The following HMCN1 variants were observed in gnomAD, a reference collection of about 807,000 sequenced individuals.
HMCN1 encodes the protein hemicentin-1.
Under a neutral mutation model 625.9 loss-of-function variants are expected in HMCN1, and 321 were observed. The observed-to-expected ratio is 0.51, with a 90% CI of 0.47 to 0.56. The LOEUF (loss-of-function observed/expected upper bound fraction) is 0.56. Among genes scored for constraint, HMCN1 ranks in the 20% least tolerant of loss-of-function variants. The probability of loss-of-function intolerance (pLI) is 0.00; values close to 1 mark genes in which losing one functional copy is unlikely to be tolerated. For missense variants in HMCN1, 6,588 were observed against 6,887.3 expected, an observed-to-expected ratio of 0.96 and a Z score of 1.54; for synonymous variants, 2,425 against 2,417.6, an observed-to-expected ratio of 1.00 and a Z score of -0.09.
intron 13 of HMCN1, among the ~76,000 whole-genome samples, chr1:185,964,170 T>C (rs904910070): frequency 2.6e-5 from 4 of 152,154 alleles, no homozygotes; most frequent in Non-Finnish European, 5.9e-5. Flanking sequence ...ACTGTTCATC[T>C]GTTCTCTGCA....
intron 70 of HMCN1, among the ~76,000 whole-genome samples, chr1:186,108,059 A>AG (rs1491472450): frequency 2.4e-5 from 3 of 127,014 alleles, no homozygotes; most frequent in Non-Finnish European, 5.0e-5. Context: ...AAAAAAAAAA[A>AG]GTCACATGAA....
chr1:185,776,442 TTGTGTGTGTGTGTGTG>T (rs57003461), intron 1 of HMCN1, among the ~76,000 whole-genome samples: 1 of 146,986 alleles, frequency 6.8e-6, no homozygotes, highest in African/African-American at 2.5e-5. Context: ...TTGTATAGGG[TTGTGTGTGTGTGTGTG>T]TGTGTGTGTG....
At position 186,165,115 on chromosome 1, in the gene HMCN1, T is replaced by C. The variant is rs1355308643; in HGVS notation, c.15261T>C (p.Asp5087=). The C allele has an allele frequency of 6.2e-7, 1 of 1,614,060 alleles. No individual in the cohort carries two copies. The highest frequency in any genetic ancestry group is 8.5e-7 in the Non-Finnish European group (1 of 1,179,956). Reference sequence around the variant, plus strand: ...TTGCTTTCCTCTCTGTGGTAGGAGATCGCAGTAATCAGTGCCCCTCCGGGT... The same window carrying C: ...TTGCTTTCCTCTCTGTGGTAGGAGACCGCAGTAATCAGTGCCCCTCCGGGT... ...FKIHASISKG[D]RSNQCPSGFT... is the part of the protein sequence containing the mutation. The change falls in exon 98 of 107, where the codon GAT becomes GAC. Residue 5087 remains aspartate (D), a synonymous_variant. Coordinates refer to ENST00000271588, the MANE Select transcript of HMCN1 (RefSeq NM_031935.3).
At chr1:186,168,776 T>TA (rs932138513) in intron 100 of HMCN1, among the ~76,000 whole-genome samples, 2 of 152,078 alleles carry the variant, frequency 1.3e-5, no homozygotes, top group African/African-American at 4.8e-5. Flanking sequence ...CTTTTTTTTT[T>TA]ATTATACTTT....
intron 42 of HMCN1, among the ~76,000 whole-genome samples, chr1:186,052,164 A>G (rs557130913): frequency 1.3e-5 from 2 of 151,900 alleles, no homozygotes; most frequent in African/African-American, 4.8e-5. Context: ...GAGAGAGAGA[A>G]ATAAATTGGT....
At chr1:186,069,586 G>C in intron 50 of HMCN1, 77 bp from the exon 51 acceptor site, 1 of 867,850 alleles carries the variant, frequency 1.2e-6, no homozygotes, top group East Asian at 2.5e-5. Flanking sequence ...ACAAGAAGAC[G>C]TAAACCCCTG....
chr1:186,055,973 A>T (rs184315479), intron 45 of HMCN1, among the ~76,000 whole-genome samples: 111 of 152,128 alleles, frequency 7.3e-4, no homozygotes, highest in Admixed American at 7.9e-4. Flanking sequence ...TCTGTTTTTT[A>T]TGTTTTCCAA....
chr1:185,832,833 A>G (rs2102292812), intron 1 of HMCN1, among the ~76,000 whole-genome samples: 1 of 152,350 alleles, frequency 6.6e-6, no homozygotes, highest in Admixed American at 6.5e-5. Flanking sequence ...AAACTGGAGG[A>G]AAGTTTTTGC....
rs1652675923 is a variant in HMCN1 at position 185,994,862 on chromosome 1, G to A, written c.3553G>A (p.Gly1185Ser). 2 of 1,613,578 alleles carry A rather than the reference G, an allele frequency of 1.2e-6. No homozygotes were observed. The highest frequency in any genetic ancestry group is 1.3e-5 in the African/African-American group (1 of 74,912). The change falls in exon 24 of 107, where the codon GGT becomes AGT. Residue 1185 changes from glycine to serine, a missense_variant. This residue lies in a region of HMCN1 where 4,628 missense variants were observed against 4,853.1 expected (regional missense o/e 0.95). Coordinates refer to ENST00000271588, the MANE Select transcript of HMCN1 (RefSeq NM_031935.3). ...RGPKHLKVQV[G>S]QRVDIPCNAQ... Reference sequence around the variant, plus strand: ...ACCTAAACATCTCAAAGTCCAAGTTGGTCAAAGAGTGGATATTCCATGTAA... The same window carrying A: ...ACCTAAACATCTCAAAGTCCAAGTTAGTCAAAGAGTGGATATTCCATGTAA...
At chr1:186,182,623 AG>A (rs1244305224) in intron 105 of HMCN1, among the ~76,000 whole-genome samples, 3 of 152,210 alleles carry the variant, frequency 2.0e-5, no homozygotes, top group African/African-American at 7.2e-5. Context: ...AAAAATGAGA[AG>A]GTTACTCAGT....
intron 1 of HMCN1, among the ~76,000 whole-genome samples, chr1:185,783,395 A>C (rs1657290536): frequency 6.6e-6 from 1 of 152,142 alleles, no homozygotes; most frequent in East Asian, 1.9e-4. Context: ...GTGAGGAGCT[A>C]CGTTTCTTTG....
chr1:186,166,424 C>G, intron 99 of HMCN1, 121 bp downstream of exon 99: 1 of 1,237,420 alleles, frequency 8.1e-7, no homozygotes, highest in African/African-American at 1.5e-5. Context: ...TGGCAACAAA[C>G]AAAGAAGGTC....
intron 1 of HMCN1, among the ~76,000 whole-genome samples, chr1:185,779,497 T>C (rs1656892796): frequency 6.6e-6 from 1 of 152,256 alleles, no homozygotes; most frequent in African/African-American, 2.4e-5. Context: ...ATTTAAGTCT[T>C]TAATCCATCT....
In HMCN1 at chr1:186,115,282, C is replaced by A. The variant is rs762961125; in HGVS notation, c.11429C>A (p.Pro3810His). Residue 3810 changes from proline to histidine, a missense_variant, in exon 75 of 107, where the codon CCT becomes CAT. Pro to His is a moderately conservative substitution (Grantham distance 77, BLOSUM62 -2). Around this residue, in one of 3 missense-constraint regions of HMCN1, gnomAD observed 4,628 missense variants for 4,853.1 expected, o/e 0.95. Transcript: ENST00000271588. ...GTTCCTCCATCTATTGCTCCGGGTC[C>A]TACCAACATGACTGTAATAGTAAAT... ...VHVPPSIAPG[P>H]TNMTVIVNVQ... The A allele has an allele frequency of 6.2e-7, 1 of 1,613,992 alleles. No individual in the cohort carries two copies. Among genetic ancestry groups the A allele is most frequent in the East Asian group, 2.2e-5 (1 of 44,860 alleles).
chr1:185,956,412 A>C (rs973881827), intron 11 of HMCN1, among the ~76,000 whole-genome samples: 2 of 152,148 alleles, frequency 1.3e-5, no homozygotes, highest in East Asian at 1.9e-4. Context: ...CTGGAGTTTG[A>C]TTAATTTGCT....
intron 33 of HMCN1, among the ~76,000 whole-genome samples, chr1:186,017,417 A>G (rs1295852555): frequency 6.6e-6 from 1 of 152,086 alleles, no homozygotes; most frequent in Non-Finnish European, 1.5e-5. Context: ...ACAGACTACT[A>G]AATAAAAAGG....
chr1:186,115,308 G>T lies in HMCN1; in HGVS notation c.11455G>T (p.Val3819Phe). 1 of 1,613,990 alleles carries T rather than the reference G, an allele frequency of 6.2e-7. No individual in the cohort carries two copies. The highest frequency in any genetic ancestry group is 1.1e-5 in the South Asian group (1 of 91,074). ...GPTNMTVIVN[V>F]QTTLACEATG... ...TACCAACATGACTGTAATAGTAAAT[G>T]TTCAAACTACTCTGGCTTGTGAGGC... Residue 3819 changes from valine to phenylalanine, a missense_variant, in exon 75 of 107, where the codon GTT (valine) becomes TTT (phenylalanine). Transcript: ENST00000271588.
chr1:185,973,447 T>C lies in HMCN1; in HGVS notation c.2371+2954T>C, dbSNP rs377090321. 1.1e-4 allele frequency among the ~76,000 whole-genome samples: 17 copies of C among 152,244 alleles called. 2 individuals are homozygous for C. Among genetic ancestry groups the C allele is most frequent in the East Asian group, 1.9e-4 (1 of 5,194 alleles). On this transcript the variant is annotated intron_variant, in intron 15 of 106. Coordinates refer to ENST00000271588, the MANE Select transcript of HMCN1 (RefSeq NM_031935.3). ...CTAAGCTTAGTAGTGCATAAAATTG[T>C]TCATTTGAGTTCCAAAACTATTGGG... is the stretch of plus-strand genomic sequence containing the variant.
chr1:185,893,381 G>A (rs778403066), intron 4 of HMCN1, among the ~76,000 whole-genome samples: 27 of 152,316 alleles, frequency 1.8e-4, no homozygotes, highest in East Asian at 3.9e-4. Flanking sequence ...AATCAGTGGC[G>A]TATTATATAG....
Sources: allele counts gnomAD v4.1 joint callset (sites outside exome capture counted in the v4.1 genomes callset), GRCh38; gene constraint gnomAD v4.1.1; regional missense constraint gnomAD v4.1.1; transcripts MANE v1.5; gene names NCBI Gene and HGNC (gene_info 2026-07-23, HGNC 2026-07-21).